The following NDUFA10 variants were observed in gnomAD, a reference collection of about 807,000 sequenced individuals.
NDUFA10 encodes the protein NADH:ubiquinone oxidoreductase subunit A10.
In NDUFA10, 40 loss-of-function variants were observed where a neutral mutation model predicts 47.8. The ratio of observed to expected loss-of-function variants is 0.84; its 90% CI spans 0.65 to 1.09. The LOEUF is 1.09. NDUFA10 is among the 50% of genes least tolerant of loss of function. The pLI is 0.00. For missense variants in NDUFA10, 413 were observed against 451.1 expected (o/e 0.92, Z 0.76); for synonymous variants, 183 against 172.2 (o/e 1.06, Z -0.49).
At chr2:240,021,140 G>T in intron 3 of NDUFA10, 57 bp downstream of exon 3, 1 of 1,470,328 alleles carries the variant, frequency 6.8e-7, no homozygotes, top group Admixed American at 1.7e-5. Flanking sequence ...TAACGTGGTT[G>T]AATTCTAGAA....
chr2:239,900,701 G>A, intron 4 of NDUFA10, among the ~76,000 whole-genome samples: 1 of 152,192 alleles, frequency 6.6e-6, no homozygotes. Flanking sequence ...TGCCGATATG[G>A]AGAAGTGGTC....
chr2:239,956,592 G>GCA (rs1375305741), downstream of NDUFA10, among the ~76,000 whole-genome samples: 1 of 152,232 alleles, frequency 6.6e-6, no homozygotes, highest in East Asian at 1.9e-4. Context: ...CCAGTGCTAA[G>GCA]CACCAAGCTC....
At chr2:239,897,156 C>T (rs1693413817) in intron 4 of NDUFA10, among the ~76,000 whole-genome samples, 2 of 147,914 alleles carry the variant, frequency 1.4e-5, no homozygotes, top group African/African-American at 4.9e-5. Context: ...ATCTCAACTT[C>T]GTATCCCTTC....
chr2:239,914,458 T>TACACACACAGACACACACAAATATAG (rs1693808361), intron 4 of NDUFA10, among the ~76,000 whole-genome samples: 1 of 89,918 alleles, frequency 1.1e-5, no homozygotes, highest in Non-Finnish European at 2.3e-5. Flanking sequence ...CACACAAACA[T>TACACACACAGACACACACAAATATAG]ACACACACAG....
chr2:239,994,198 C>T (rs367757446), intron 8 of NDUFA10, among the ~76,000 whole-genome samples: 2 of 152,132 alleles, frequency 1.3e-5, no homozygotes, highest in South Asian at 2.1e-4. Context: ...CCCCAGCCTC[C>T]GGGCCACAAA....
intron 9 of NDUFA10, among the ~76,000 whole-genome samples, chr2:239,989,517 G>T (rs1207333683): frequency 6.6e-6 from 1 of 152,244 alleles, no homozygotes; most frequent in Admixed American, 6.5e-5. Flanking sequence ...CAACTCACCC[G>T]CTGGTTCCCA....
At position 239,957,589 on chromosome 2, in the gene NDUFA10, C is replaced by T. The variant is rs1694691982; in HGVS notation, c.*3529G>A. The T allele has an allele frequency of 6.6e-6, 1 of 152,208 alleles. No individual in the cohort carries two copies. The highest frequency in any genetic ancestry group is 2.4e-5 in the African/African-American group (1 of 41,458). 9.4% of individuals were successfully genotyped at this position (152,208 alleles called of 1,614,324 possible). ...TAGTAAAAGCGAATGAGCAAACTTA[C>T]TCACATGCTTAAAGATAAAATTTGA... On this transcript the variant is annotated 3_prime_UTR_variant, in exon 10 of 10. Coordinates refer to ENST00000252711, the MANE Select transcript of NDUFA10 (RefSeq NM_004544.4).
At chr2:240,014,411 CAG>C in intron 5 of NDUFA10, 1 of 388,564 alleles carries the variant, frequency 2.6e-6, no homozygotes, top group South Asian at 2.3e-5. Flanking sequence ...CATCAGAGAA[CAG>C]AAAGGTACGT....
intron 4 of NDUFA10, 81 bp from the exon 5 acceptor site, chr2:240,014,941 G>A: frequency 6.3e-7 from 1 of 1,592,116 alleles, no homozygotes; most frequent in Non-Finnish European, 8.6e-7. Flanking sequence ...TGAATAAAAG[G>A]GCAAACATAC....
At chr2:239,979,768 C>T (rs986196904) in intron 9 of NDUFA10, among the ~76,000 whole-genome samples, 7 of 152,150 alleles carry the variant, frequency 4.6e-5, no homozygotes, top group East Asian at 3.9e-4. Flanking sequence ...CACTCTCTGG[C>T]GCACCAACGC....
chr2:239,981,801 G>T (rs1695786741), intron 9 of NDUFA10, among the ~76,000 whole-genome samples: 1 of 152,022 alleles, frequency 6.6e-6, no homozygotes, highest in Non-Finnish European at 1.5e-5. Context: ...AAATTATAAG[G>T]CATAGTTTTA....
chr2:240,007,422 TAAATGTAC>T, intron 6 of NDUFA10, 52 bp from the exon 7 acceptor site: 4 of 1,293,428 alleles, frequency 3.1e-6, no homozygotes, highest in Non-Finnish European at 4.5e-6. Flanking sequence ...AAGCTGAAGT[TAAATGTAC>T]AAATGAATAC....
intron 4 of NDUFA10, among the ~76,000 whole-genome samples, chr2:239,944,106 C>G (rs960700764): frequency 4.6e-5 from 7 of 152,160 alleles, no homozygotes; most frequent in African/African-American, 1.7e-4. Flanking sequence ...CACCGGTGCC[C>G]GCAAAATGAG....
At chr2:239,969,119 C>T (rs1231184970) in intron 9 of NDUFA10, among the ~76,000 whole-genome samples, 2 of 152,058 alleles carry the variant, frequency 1.3e-5, no homozygotes, top group Non-Finnish European at 2.9e-5. Flanking sequence ...CATCTCTCGG[C>T]GTATGAAACA....
rs115340886 is a variant in NDUFA10 at position 239,941,857 on chromosome 2, G to A, written c.295-46543C>T. On this transcript the variant is annotated intron_variant, in intron 4 of 5. Transcript: ENST00000419408. ...TGCCTGTATATCAACAGAAACACAG[G>A]TATGCTTTCATGAAATGGGATCTAT... is the stretch of plus-strand genomic sequence containing the variant. Among the ~76,000 whole-genome samples, 555 of 152,236 alleles carry A rather than the reference G, an allele frequency of 3.6e-3. 4 individuals carry two copies. The highest frequency in any genetic ancestry group is 0.013 in the African/African-American group (530 of 41,550).
At chr2:239,939,170 G>A (rs563954650) in intron 4 of NDUFA10, among the ~76,000 whole-genome samples, 5 of 152,258 alleles carry the variant, frequency 3.3e-5, no homozygotes, top group Non-Finnish European at 5.9e-5. Flanking sequence ...TTCATGCCCC[G>A]GGCACTGTCA....
At position 239,960,269 on chromosome 2, in the gene NDUFA10, C is replaced by T. The variant is rs1317388178; in HGVS notation, c.*849G>A. 1 of 985,528 alleles carries T rather than the reference C, an allele frequency of 1.0e-6. No homozygotes were observed. Among genetic ancestry groups the T allele is most frequent in the Admixed American group, 6.1e-5 (1 of 16,280 alleles). 61.0% of individuals were successfully genotyped at this position (985,528 alleles called of 1,614,324 possible). On this transcript the variant is annotated 3_prime_UTR_variant, in exon 10 of 10. Coordinates refer to ENST00000252711, the MANE Select transcript of NDUFA10 (RefSeq NM_004544.4). ...ATTCCTAAACCATGATGCTGAACCA[C>T]AACCAGCTTGTTTTGGTTTTCTAGG...
At chr2:240,010,923 G>A (rs546020053) in intron 6 of NDUFA10, among the ~76,000 whole-genome samples, 1 of 152,016 alleles carries the variant, frequency 6.6e-6, no homozygotes, top group African/African-American at 2.4e-5. Flanking sequence ...TTTAGGCACC[G>A]AAAGAGGCTT....
intron 9 of NDUFA10, among the ~76,000 whole-genome samples, chr2:239,966,210 G>A (rs1234844391): frequency 2.6e-5 from 4 of 152,176 alleles, no homozygotes; most frequent in Non-Finnish European, 4.4e-5. Context: ...CCCAGTCACC[G>A]ACAACCTGGG....
Sources: gnomAD v4.1 joint callset for allele counts (sites outside exome capture counted in the v4.1 genomes callset) on GRCh38, gnomAD v4.1.1 for gene constraint, MANE v1.5 for transcripts, NCBI Gene and HGNC (gene_info 2026-07-23, HGNC 2026-07-21) for gene names.